The following AKAP7 variants were observed in gnomAD, a reference collection of about 807,000 sequenced individuals.
AKAP7 encodes A kinase (PRKA) anchor protein 7.
Under a neutral mutation model 39.5 loss-of-function variants are expected in AKAP7, and 39 were observed. The observed-to-expected ratio is 0.99, with a 90% confidence interval of 0.76 to 1.29. The LOEUF is 1.29. AKAP7 is among the 50% of genes most tolerant of loss of function. The pLI is 0.00. For missense variants in AKAP7, 414 were observed against 407.7 expected (o/e 1.02, Z -0.13); for synonymous variants, 140 against 139.1 (o/e 1.01, Z -0.05).
intron 1 of AKAP7, among the ~76,000 whole-genome samples, chr6:131,139,411 T>C (rs1370106045): frequency 6.6e-6 from 1 of 152,220 alleles, no homozygotes; most frequent in African/African-American, 2.4e-5. Flanking sequence ...GAGTTTAATA[T>C]GCTTTATTTA....
At chr6:131,266,465 T>C (rs1813807119) in intron 7 of AKAP7, among the ~76,000 whole-genome samples, 1 of 152,238 alleles carries the variant, frequency 6.6e-6, no homozygotes, top group Non-Finnish European at 1.5e-5. Context: ...TTCCATTTCC[T>C]ACAGTAAGAA....
chr6:131,143,724 G>A (rs1801236969), intron 1 of AKAP7, among the ~76,000 whole-genome samples: 1 of 149,988 alleles, frequency 6.7e-6, no homozygotes, highest in East Asian at 1.9e-4. Context: ...TCATAGCCAT[G>A]TTGTAGCCAT....
intron 5 of AKAP7, among the ~76,000 whole-genome samples, chr6:131,193,579 T>A (rs561810157): frequency 3.5e-4 from 54 of 152,252 alleles, no homozygotes; most frequent in South Asian, 1.9e-3. Context: ...GTAGAATGAG[T>A]TTGGAAGTAT....
At chr6:131,180,911 A>G (rs1301784904) in intron 5 of AKAP7, among the ~76,000 whole-genome samples, 1 of 144,442 alleles carries the variant, frequency 6.9e-6, no homozygotes, top group Non-Finnish European at 1.5e-5. Context: ...TTCTTTAAGC[A>G]TTTATATTTT....
At chr6:131,250,415 C>T in intron 7 of AKAP7, 1 of 1,459,252 alleles carries the variant, frequency 6.9e-7, no homozygotes, top group Non-Finnish European at 9.1e-7. Flanking sequence ...CTTTCTCTCC[C>T]CCGGCGGCGT....
chr6:131,155,733 A>AT (rs1478508347), intron 2 of AKAP7, among the ~76,000 whole-genome samples: 8 of 151,850 alleles, frequency 5.3e-5, no homozygotes, highest in South Asian at 4.1e-4. Flanking sequence ...TTTGGCTTTA[A>AT]TTTTTTTTAG....
chr6:131,194,849 A>G (rs1806766975), intron 5 of AKAP7, among the ~76,000 whole-genome samples: 1 of 152,096 alleles, frequency 6.6e-6, no homozygotes, highest in African/African-American at 2.4e-5. Flanking sequence ...ATAGAATCAT[A>G]TGCACTCCTG....
chr6:131,198,244 T>G (rs1446817547), intron 5 of AKAP7, among the ~76,000 whole-genome samples: 2 of 152,176 alleles, frequency 1.3e-5, no homozygotes, highest in Non-Finnish European at 2.9e-5. Context: ...TTACAATAAC[T>G]ATTTTGATGT....
the AKAP7 span, among the ~76,000 whole-genome samples, chr6:131,125,945 T>C: frequency 1.3e-5 from 2 of 152,216 alleles, no homozygotes; most frequent in African/African-American, 2.4e-5. Flanking sequence ...GTCTTTCATT[T>C]CCATGATCTC....
intron 7 of AKAP7, among the ~76,000 whole-genome samples, chr6:131,278,147 T>C (rs943029538): frequency 2.6e-5 from 4 of 152,178 alleles, no homozygotes; most frequent in Admixed American, 2.0e-4. Context: ...GAGCTCTTAT[T>C]GTGATGAATA....
intron 7 of AKAP7, among the ~76,000 whole-genome samples, chr6:131,278,744 AACAC>A (rs1398279282): frequency 6.6e-6 from 1 of 152,164 alleles, no homozygotes; most frequent in Non-Finnish European, 1.5e-5. Context: ...GCAAGTGGGA[AACAC>A]ACCTCCATGA....
intron 3 of AKAP7, among the ~76,000 whole-genome samples, chr6:131,163,118 C>A (rs1803153388): frequency 6.6e-6 from 1 of 152,124 alleles, no homozygotes; most frequent in Admixed American, 6.6e-5. Flanking sequence ...TTTCATAATA[C>A]AGGTTCAACA....
At chr6:131,194,815 T>G (rs1381357136) in intron 5 of AKAP7, among the ~76,000 whole-genome samples, 1 of 152,138 alleles carries the variant, frequency 6.6e-6, no homozygotes, top group Non-Finnish European at 1.5e-5. Flanking sequence ...CTTACAGTTT[T>G]TGTCTTGAAA....
intron 5 of AKAP7, among the ~76,000 whole-genome samples, chr6:131,196,993 C>T (rs1807000814): frequency 6.6e-6 from 1 of 151,818 alleles, no homozygotes; most frequent in African/African-American, 2.4e-5. Flanking sequence ...TAATTTCAAC[C>T]CACATCCCAA....
At chr6:131,241,468 A>C (rs1811545385) in intron 7 of AKAP7, among the ~76,000 whole-genome samples, 1 of 152,014 alleles carries the variant, frequency 6.6e-6, no homozygotes, top group East Asian at 1.9e-4. Context: ...AAGAGAAAAC[A>C]GATTTTGGTG....
At chr6:131,183,925 G>C (rs1805552005) in intron 5 of AKAP7, among the ~76,000 whole-genome samples, 1 of 152,160 alleles carries the variant, frequency 6.6e-6, no homozygotes, top group African/African-American at 2.4e-5. Context: ...GCTCGCCTCT[G>C]GGGGATGGGA....
In AKAP7 at chr6:131,255,688, CCTGT is replaced by C. The variant is rs551642151; in HGVS notation, c.851-25834_851-25831del. 1.5e-3 allele frequency among the ~76,000 whole-genome samples: 232 copies of C among 152,292 alleles called. 1 individual carries two copies. Among genetic ancestry groups the C allele is most frequent in the African/African-American group, 5.3e-3 (221 of 41,562 alleles). ...GGGAAACCCAGCTCTGCTATTACAT[CCTGT>C]CTGTCTGAGCAAGCTGCTAACATCT... On this transcript the variant is annotated intron_variant, in intron 7 of 7. Transcript: ENST00000431975.
intron 6 of AKAP7, among the ~76,000 whole-genome samples, chr6:131,207,862 C>T (rs930931670): frequency 6.6e-6 from 1 of 152,108 alleles, no homozygotes. Flanking sequence ...TGTAGATGCC[C>T]TGGTTATTCA....
intron 5 of AKAP7, among the ~76,000 whole-genome samples, chr6:131,186,628 T>A (rs1187499699): frequency 6.6e-6 from 1 of 152,126 alleles, no homozygotes; most frequent in African/African-American, 2.4e-5. Context: ...ACCAGAAGAT[T>A]TAGTGTTTGG....
Sources: allele counts gnomAD v4.1 joint callset (sites outside exome capture counted in the v4.1 genomes callset), GRCh38; gene constraint gnomAD v4.1.1; transcripts MANE v1.5; gene names NCBI Gene and HGNC (gene_info 2026-07-23, HGNC 2026-07-21).